Variants in ATRNL1 observed in about 807,000 individuals in gnomAD.
ATRNL1 encodes attractin-like protein 1.
ATRNL1 carries 95 observed loss-of-function variants against 182.7 expected under a neutral mutation model. The ratio of observed to expected loss-of-function variants is 0.52; its 90% CI spans 0.44 to 0.62. ATRNL1 has a LOEUF of 0.62. ATRNL1 is among the 20% of genes least tolerant of loss of function. ATRNL1 has a pLI of 0.00. For synonymous variants in ATRNL1, 576 were observed against 568.3 expected (o/e 1.01, Z -0.19); for missense variants, 1,471 against 1,679.5 (o/e 0.88, Z 2.17).
In ATRNL1 at chr10:115,945,934, A is replaced by T. The variant is rs1953867572; in HGVS notation, c.*1155A>T. On this transcript the variant is annotated 3_prime_UTR_variant, in exon 29 of 29. Coordinates refer to ENST00000355044, the MANE Select transcript of ATRNL1 (RefSeq NM_207303.4). ...ATGTCCATGGTTGCCCACAGTCAGCACACTCTTAGTGACTCAAAATTCTGA... is the reference window on the plus strand; with the variant it reads ...ATGTCCATGGTTGCCCACAGTCAGCTCACTCTTAGTGACTCAAAATTCTGA... 1 of 152,206 alleles carries T rather than the reference A, an allele frequency of 6.6e-6. No homozygotes were observed. The highest frequency in any genetic ancestry group is 6.5e-5 in the Admixed American group (1 of 15,282). The allele number at this position is 152,206 out of a possible 1,614,324, so 9.4% of individuals were successfully genotyped here. A position where few individuals can be genotyped will look rare whatever the true frequency, so the allele number is the denominator to read the frequency against.
chr10:115,468,348 C>T (rs996599580), intron 23 of ATRNL1, among the ~76,000 whole-genome samples: 1 of 150,880 alleles, frequency 6.6e-6, no homozygotes. Context: ...CTTTCAGATT[C>T]CCAGACCAAA....
At position 115,219,858 on chromosome 10, in the gene ATRNL1, G is replaced by A. The variant is rs147034999; in HGVS notation, c.1532+3978G>A. Among the ~76,000 whole-genome samples the A allele has an allele frequency of 5.4e-3, 827 of 152,170 alleles. 5 individuals are homozygous for A. The highest frequency in any genetic ancestry group is 0.018 in the African/African-American group (737 of 41,518). ...GTGGAGGCTGTGGTGAGCCGAGATC[G>A]TGCCACTGTCCTCCAGGCTGGGTGA... On this transcript the variant is annotated intron_variant, in intron 9 of 28. Transcript: ENST00000355044.
chr10:115,166,678 T>C (rs1235043116), intron 7 of ATRNL1, among the ~76,000 whole-genome samples: 1 of 152,094 alleles, frequency 6.6e-6, no homozygotes, highest in Admixed American at 6.6e-5. Context: ...TTTCAAGTGC[T>C]TATTGGCTAT....
intron 24 of ATRNL1, among the ~76,000 whole-genome samples, chr10:115,500,909 T>G (rs1849796811): frequency 6.7e-6 from 1 of 148,354 alleles, no homozygotes; most frequent in South Asian, 2.1e-4. Flanking sequence ...TAGCAGAAAT[T>G]TCAGGTAAGA....
At chr10:115,536,706 C>T (rs1243672369) in intron 25 of ATRNL1, among the ~76,000 whole-genome samples, 1 of 152,214 alleles carries the variant, frequency 6.6e-6, no homozygotes, top group Non-Finnish European at 1.5e-5. Context: ...TTCTGCGTCG[C>T]TCATGCTGGG....
chr10:115,279,989 C>T (rs1479877658), intron 13 of ATRNL1, among the ~76,000 whole-genome samples: 1 of 152,142 alleles, frequency 6.6e-6, no homozygotes, highest in Non-Finnish European at 1.5e-5. Context: ...AATATTTCTC[C>T]AAGGCTCCAT....
At position 115,519,277 on chromosome 10, in the gene ATRNL1, A is replaced by C; in HGVS notation, c.3669A>C (p.Gln1223His). ...WPIKIQIAFSQHNTIMDLVQF... is the reference protein window; with the variant it reads ...WPIKIQIAFSHHNTIMDLVQF... ...TGATTTTTCAGATTGCATTCTCACA[A>C]CACAATACAATCATGGACCTTGTGC... The change falls in exon 25 of 29, where the codon CAA becomes CAC. Residue 1223 changes from glutamine to histidine, a missense_variant. By Grantham distance (24) the Gln-to-His change is conservative. This residue lies in a region of ATRNL1 where 437 missense variants were observed against 506.0 expected (regional missense o/e 0.86). Coordinates refer to ENST00000355044, the MANE Select transcript of ATRNL1 (RefSeq NM_207303.4). The C allele has an allele frequency of 6.2e-7, 1 of 1,610,680 alleles. No homozygotes were observed. The highest frequency in any genetic ancestry group is 8.5e-7 in the Non-Finnish European group (1 of 1,178,668).
intron 21 of ATRNL1, among the ~76,000 whole-genome samples, chr10:115,451,213 A>T (rs1554967580): frequency 1.3e-5 from 2 of 152,224 alleles, no homozygotes; most frequent in African/African-American, 4.8e-5. Flanking sequence ...GGAACTGGCA[A>T]AGATTTCATG....
chr10:115,219,163 C>T (rs976320069), intron 9 of ATRNL1, among the ~76,000 whole-genome samples: 46 of 146,414 alleles, frequency 3.1e-4, no homozygotes, highest in African/African-American at 1.2e-3. Flanking sequence ...ACCCAGGAGG[C>T]GGAGGTTGCA....
At chr10:115,611,115 G>A (rs1857134007) in intron 26 of ATRNL1, among the ~76,000 whole-genome samples, 1 of 151,074 alleles carries the variant, frequency 6.6e-6, no homozygotes. Context: ...AAATGGAACT[G>A]ATTGGATTGA....
chr10:115,794,199 A>C (rs1555082381), intron 27 of ATRNL1, among the ~76,000 whole-genome samples: 5 of 152,186 alleles, frequency 3.3e-5, no homozygotes, highest in Admixed American at 2.6e-4. Flanking sequence ...GTTTTTAAAC[A>C]ATCACAAATT....
At chr10:115,223,930 T>TATATATA (rs1491447423) in intron 9 of ATRNL1, among the ~76,000 whole-genome samples, 21 of 37,230 alleles carry the variant, frequency 5.6e-4, no homozygotes, top group African/African-American at 1.2e-3. Flanking sequence ...TATATATATA[T>TATATATA]TTTTTTTTTT....
intron 8 of ATRNL1, among the ~76,000 whole-genome samples, chr10:115,214,036 A>G (rs1200919239): frequency 1.8e-5 from 2 of 112,048 alleles, no homozygotes; most frequent in Admixed American, 1.0e-4. Flanking sequence ...TTTAGTACAA[A>G]TATGTACACA....
intron 20 of ATRNL1, among the ~76,000 whole-genome samples, chr10:115,411,404 CATT>C (rs1216951497): frequency 6.6e-6 from 1 of 151,628 alleles, no homozygotes; most frequent in Non-Finnish European, 1.5e-5. Context: ...AAATGATAAT[CATT>C]ATTTAGGTGA....
intron 26 of ATRNL1, among the ~76,000 whole-genome samples, chr10:115,678,546 A>C (rs1263230245): frequency 2.6e-5 from 4 of 152,092 alleles, no homozygotes. Context: ...CTGTTTTGGG[A>C]AACAGTTTGT....
At chr10:115,568,009 T>C (rs1854167948) in intron 26 of ATRNL1, among the ~76,000 whole-genome samples, 1 of 152,136 alleles carries the variant, frequency 6.6e-6, no homozygotes, top group African/African-American at 2.4e-5. Flanking sequence ...ATTATTGTGC[T>C]TAGAATTACT....
At chr10:115,527,391 G>A (rs1851278117) in intron 25 of ATRNL1, among the ~76,000 whole-genome samples, 1 of 152,106 alleles carries the variant, frequency 6.6e-6, no homozygotes, top group Non-Finnish European at 1.5e-5. Context: ...AAAGTGCTGA[G>A]ATTACAGGCA....
intron 25 of ATRNL1, among the ~76,000 whole-genome samples, chr10:115,549,251 T>C (rs185511707): frequency 1.9e-4 from 29 of 152,178 alleles, no homozygotes; most frequent in African/African-American, 4.1e-4. Context: ...CCATAATCTA[T>C]AGCAAGAAAT....
At chr10:115,742,938 G>T (rs1296330724) in intron 27 of ATRNL1, among the ~76,000 whole-genome samples, 3 of 152,110 alleles carry the variant, frequency 2.0e-5, no homozygotes, top group African/African-American at 4.8e-5. Context: ...CAGCATGGCT[G>T]GGGAGGCTTC....
Sources: allele counts gnomAD v4.1 joint callset (sites outside exome capture counted in the v4.1 genomes callset), GRCh38; gene constraint gnomAD v4.1.1; regional missense constraint gnomAD v4.1.1; transcripts MANE v1.5; gene names NCBI Gene and HGNC (gene_info 2026-07-23, HGNC 2026-07-21).